PKD1L3: variants seen among roughly 807,000 people sequenced by gnomAD.
The protein encoded by PKD1L3 is polycystin-1-like protein 3.
In PKD1L3, 239 loss-of-function variants were observed where a neutral mutation model predicts 184.1. That is an observed-to-expected ratio of 1.30 (90% CI 1.17 to 1.45). The LOEUF (loss-of-function observed/expected upper bound fraction) is 1.45. Among genes scored for constraint, PKD1L3 ranks in the 40% most tolerant of loss-of-function variants. The probability of loss-of-function intolerance (pLI) is 0.00; values close to 1 mark genes in which losing one functional copy is unlikely to be tolerated. For synonymous variants in PKD1L3, 996 were observed against 778.8 expected (o/e 1.28, Z -4.64); for missense variants, 2,660 against 2,067.2 (o/e 1.29, Z -5.56).
intron 16 of PKD1L3, among the ~76,000 whole-genome samples, chr16:71,956,540 G>C (rs1597317647): frequency 6.6e-6 from 1 of 152,112 alleles, no homozygotes; most frequent in South Asian, 2.1e-4. Context: ...AATGAACCTT[G>C]AGGACATTGT....
At position 71,934,139 on chromosome 16, in the gene PKD1L3, A is replaced by T. The variant is rs746750221; in HGVS notation, c.4614-14T>A. ...AAGCTGATGAATCTGCACCAAGGAA[A>T]GCTGACAGTTACTCAGCAAGAAGTA... On this transcript the variant is annotated splice_polypyrimidine_tract_variant and intron_variant, in intron 26 of 29. Coordinates refer to ENST00000620267, the MANE Select transcript of PKD1L3 (RefSeq NM_181536.2). 1 of 1,551,246 alleles carries T rather than the reference A, an allele frequency of 6.4e-7. No individual in the cohort carries two copies. Among genetic ancestry groups the T allele is most frequent in the African/African-American group, 1.4e-5 (1 of 73,016 alleles).
chr16:71,960,354 G>A lies in PKD1L3; in HGVS notation c.2612+2851C>T, dbSNP rs533703494. On this transcript the variant is annotated intron_variant, in intron 16 of 29. Transcript: ENST00000620267. ...GTATTAAAAGAGATTATTAGATCTG[G>A]TTTTTTAAACATCCAGTTATATGTT... is the stretch of plus-strand genomic sequence containing the variant. Among the ~76,000 whole-genome samples, 17 of 152,190 alleles carry A rather than the reference G, an allele frequency of 1.1e-4. 1 individual carries two copies. Among genetic ancestry groups the A allele is most frequent in the Admixed American group, 1.1e-3 (17 of 15,278 alleles).
chr16:71,930,045 T>C lies in PKD1L3; in HGVS notation c.5058+7A>G. On this transcript the variant is annotated splice_region_variant and intron_variant, in intron 29 of 29. Transcript: ENST00000620267. ...ACAGCATGCTAGTTTATCTTTTAGT[T>C]ACCTACCTTAAGCGACTTTCTTTCT... 6.5e-7 allele frequency: 1 copy of C among 1,546,174 alleles called. No individual in the cohort carries two copies. Among genetic ancestry groups the C allele is most frequent in the Non-Finnish European group, 8.7e-7 (1 of 1,145,092 alleles).
At chr16:71,929,699 G>A in intron 29 of PKD1L3, 21 bp from the exon 30 acceptor site, 1 of 1,506,854 alleles carries the variant, frequency 6.6e-7, no homozygotes. Context: ...AAGACAAAAA[G>A]AGAAAAGTGA....
chr16:71,985,059 A>G (rs1567546454), intron 5 of PKD1L3, among the ~76,000 whole-genome samples: 1 of 152,172 alleles, frequency 6.6e-6, no homozygotes, highest in Non-Finnish European at 1.5e-5. Flanking sequence ...ATTTCTGGAG[A>G]ATACCTCACT....
chr16:71,935,818 C>T (rs907057213), intron 25 of PKD1L3, among the ~76,000 whole-genome samples: 12 of 152,168 alleles, frequency 7.9e-5, no homozygotes, highest in South Asian at 2.1e-4. Context: ...GAGACAGGGT[C>T]GCGCTCTGTT....
intron 2 of PKD1L3, among the ~76,000 whole-genome samples, chr16:71,996,542 G>A (rs891716392): frequency 3.3e-5 from 5 of 152,124 alleles, no homozygotes; most frequent in Non-Finnish European, 7.4e-5. Context: ...TTACAGGCAT[G>A]AGCCACTGTG....
chr16:71,972,683 CA>C (rs566875288), intron 12 of PKD1L3, among the ~76,000 whole-genome samples: 3 of 147,192 alleles, frequency 2.0e-5, no homozygotes. Context: ...GATCCCACCT[CA>C]AAAAAAAAAG....
chr16:71,947,181 C>T (rs2038649630), intron 22 of PKD1L3, among the ~76,000 whole-genome samples: 1 of 152,092 alleles, frequency 6.6e-6, no homozygotes, highest in Non-Finnish European at 1.5e-5. Flanking sequence ...CGCTTGAACC[C>T]AGGAGGTGGA....
chr16:71,965,102 C>T (rs1444308558), intron 15 of PKD1L3, among the ~76,000 whole-genome samples: 6 of 152,040 alleles, frequency 3.9e-5, no homozygotes, highest in Non-Finnish European at 8.8e-5. Context: ...ACCACCTTGG[C>T]CCCCCAAAGT....
chr16:71,982,366 A>C, intron 6 of PKD1L3, 131 bp from the exon 7 acceptor site: 1 of 730,724 alleles, frequency 1.4e-6, no homozygotes, highest in South Asian at 2.8e-5. Context: ...ACTCACTGCA[A>C]CCTCTGCCTC....
chr16:71,944,095 G>T lies in PKD1L3; in HGVS notation c.3794C>A (p.Pro1265Gln). The T allele has an allele frequency of 6.4e-7, 1 of 1,551,730 alleles. No individual in the cohort carries two copies. Among genetic ancestry groups the T allele is most frequent in the Non-Finnish European group, 8.7e-7 (1 of 1,146,812 alleles). ...CAAGGTTCTTTCTGGGTGCTTAGTT[G>T]GACTATTTATAGCTGGGGCTACATA... ...PVYVAPAINS[P>Q]TKHPERTLKK... The change falls in exon 23 of 30, where the codon CCA becomes CAA. Residue 1265 changes from proline (P) to glutamine (Q), a missense_variant. Transcript: ENST00000620267.
At chr16:71,949,621 G>A (rs1224552649) in intron 21 of PKD1L3, among the ~76,000 whole-genome samples, 162 bp downstream of exon 21, 1 of 152,054 alleles carries the variant, frequency 6.6e-6, no homozygotes, top group Non-Finnish European at 1.5e-5. Context: ...CCAAATTGCT[G>A]GGATTACATG....
intron 12 of PKD1L3, among the ~76,000 whole-genome samples, chr16:71,971,051 C>A (rs1233869918): frequency 3.3e-5 from 5 of 152,150 alleles, no homozygotes; most frequent in Non-Finnish European, 5.9e-5. Flanking sequence ...AGTTCCTAGA[C>A]TTGGGCATGG....
Position 71,950,140 on chromosome 16 carries a change from G to A in PKD1L3, c.3361C>T (p.Pro1121Ser), listed in dbSNP as rs2038774567. 1.3e-6 allele frequency: 2 copies of A among 1,551,944 alleles called. No homozygotes were observed. The highest frequency in any genetic ancestry group is 1.7e-6 in the Non-Finnish European group (2 of 1,147,054). The change falls in exon 20 of 30, where the codon CCC (proline) becomes TCC (serine). Residue 1121 changes from proline to serine, a missense_variant. Transcript: ENST00000620267. The stretch of plus-strand genomic sequence containing the variant: ...TACCTGGATGGCTCTTGCTCCGTGG[G>A]AAGAATATGTGTTTCCAAGAGTTCC... The part of the protein sequence containing the change: ...LQELLETHIL[P>S]TEQEPSREVT...
At chr16:71,930,884 G>A (rs1002778292) in intron 28 of PKD1L3, 1 of 152,096 alleles carries the variant, frequency 6.6e-6, no homozygotes, top group African/African-American at 2.4e-5. Context: ...CCAACAGAGG[G>A]GTTGATTACA....
At position 71,990,328 on chromosome 16, in the gene PKD1L3, T is replaced by G; in HGVS notation, c.537A>C (p.Gly179=). ...VAIARDKMPP[G]PGHLPTTCHY... Reference sequence around the variant, plus strand: ...GACATGTGGTTGGAAGATGACCAGGTCCTATAGAAAAAAGAAAGCAGACTA... The same window carrying G: ...GACATGTGGTTGGAAGATGACCAGGGCCTATAGAAAAAAGAAAGCAGACTA... The change falls in exon 4 of 30, where the codon GGA becomes GGC. Residue 179 remains glycine (G), a splice_region_variant and synonymous_variant. Coordinates refer to ENST00000620267, the MANE Select transcript of PKD1L3 (RefSeq NM_181536.2). 1 of 1,546,758 alleles carries G rather than the reference T, an allele frequency of 6.5e-7. No individual in the cohort carries two copies. Among genetic ancestry groups the G allele is most frequent in the Non-Finnish European group, 8.7e-7 (1 of 1,143,380 alleles).
intron 19 of PKD1L3, 46 bp downstream of exon 19, chr16:71,951,518 T>C (rs1256152412): frequency 1.3e-6 from 2 of 1,503,048 alleles, no homozygotes; most frequent in Non-Finnish European, 1.8e-6. Flanking sequence ...TGCAAGGGAG[T>C]GGGAGGCAGA....
chr16:71,939,143 A>AC (rs2038277438), intron 24 of PKD1L3, among the ~76,000 whole-genome samples: 1 of 152,242 alleles, frequency 6.6e-6, no homozygotes, highest in Non-Finnish European at 1.5e-5. Context: ...CACATGCAGT[A>AC]CATCTGGTCC....
Sources: gnomAD v4.1 joint callset for allele counts (sites outside exome capture counted in the v4.1 genomes callset) on GRCh38, gnomAD v4.1.1 for gene constraint, MANE v1.5 for transcripts, NCBI Gene and HGNC (gene_info 2026-07-23, HGNC 2026-07-21) for gene names.